FAM200B: variants seen among roughly 807,000 people sequenced by gnomAD.
FAM200B encodes the protein zinc finger BED-type containing 11.
Under a neutral mutation model 33.1 loss-of-function variants are expected in FAM200B, and 32 were observed. The ratio of observed to expected loss-of-function variants is 0.97; its 90% CI spans 0.73 to 1.30. The LOEUF is 1.30. FAM200B is among the 50% of genes most tolerant of loss of function. The pLI, the probability that FAM200B is intolerant of heterozygous loss-of-function variation, is 0.00. For missense variants in FAM200B, 741 were observed against 754.0 expected (o/e 0.98, Z 0.20); for synonymous variants, 240 against 264.8 (o/e 0.91, Z 0.91).
chr4:15,659,229 A>C, the FAM200B span, among the ~76,000 whole-genome samples: 1 of 152,260 alleles, frequency 6.6e-6, no homozygotes, highest in African/African-American at 2.4e-5. Context: ...GTAGGCATAC[A>C]TAGTAGGCAT....
chr4:15,683,858 G>C (rs941299436), intron 1 of FAM200B, among the ~76,000 whole-genome samples: 1 of 152,120 alleles, frequency 6.6e-6, no homozygotes, highest in African/African-American at 2.4e-5. Context: ...TTTACTACAG[G>C]TGTCATTAAT....
At chr4:15,674,653 G>A in the FAM200B span, among the ~76,000 whole-genome samples, 1 of 150,090 alleles carries the variant, frequency 6.7e-6, no homozygotes, top group South Asian at 2.1e-4. Flanking sequence ...GGGATTTTTG[G>A]GTTTTTTTTT....
At chr4:15,655,310 T>G in the FAM200B span, 5 of 1,373,130 alleles carry the variant, frequency 3.6e-6, no homozygotes, top group Admixed American at 1.2e-4. Flanking sequence ...AGCCTCCGCC[T>G]CAGCAGCCGC....
chr4:15,662,035 T>C, the FAM200B span, among the ~76,000 whole-genome samples: 2 of 152,210 alleles, frequency 1.3e-5, no homozygotes, highest in African/African-American at 4.8e-5. Context: ...GAGCAAATGA[T>C]TTCAAACCCA....
At chr4:15,655,371 C>A in the FAM200B span, 1 of 1,113,696 alleles carries the variant, frequency 9.0e-7, no homozygotes, top group Non-Finnish European at 1.1e-6. Context: ...GGCGGCGCGC[C>A]CCCTTGCGCA....
the FAM200B span, among the ~76,000 whole-genome samples, chr4:15,643,149 C>T: frequency 6.6e-6 from 1 of 152,114 alleles, no homozygotes; most frequent in African/African-American, 2.4e-5. Context: ...CTATCTAGTA[C>T]CCTACCCCAA....
At chr4:15,640,671 T>G in the FAM200B span, 1 of 485,498 alleles carries the variant, frequency 2.1e-6, no homozygotes, top group Non-Finnish European at 3.7e-6. Flanking sequence ...AAGAACTGCG[T>G]TCTTCTCTCC....
At chr4:15,654,984 G>A in the FAM200B span, among the ~76,000 whole-genome samples, 63 of 151,814 alleles carry the variant, frequency 4.1e-4, 1 homozygote, top group East Asian at 2.7e-3. Context: ...CGCCCGCCCC[G>A]AGAGCACGTC....
chr4:15,653,195 A>C, the FAM200B span, among the ~76,000 whole-genome samples: 1 of 152,192 alleles, frequency 6.6e-6, no homozygotes, highest in African/African-American at 2.4e-5. Context: ...CTCATTAACT[A>C]TATCTAATTA....
the FAM200B span, among the ~76,000 whole-genome samples, chr4:15,671,103 T>C: frequency 6.6e-6 from 1 of 151,932 alleles, no homozygotes; most frequent in African/African-American, 2.4e-5. Flanking sequence ...TTTGTATTTT[T>C]AGTAGAGATG....
the FAM200B span, among the ~76,000 whole-genome samples, chr4:15,663,103 CAT>C: frequency 1.3e-5 from 2 of 152,150 alleles, no homozygotes; most frequent in Admixed American, 1.3e-4. Flanking sequence ...TACAAGTTTA[CAT>C]ATGTTTATTC....
the FAM200B span, among the ~76,000 whole-genome samples, chr4:15,639,417 T>G: frequency 6.6e-6 from 1 of 152,320 alleles, no homozygotes; most frequent in Admixed American, 6.5e-5. Context: ...AAGTCAGAAC[T>G]CTACTGAGAC....
the FAM200B span, among the ~76,000 whole-genome samples, chr4:15,664,714 C>T: frequency 8.6e-5 from 13 of 151,928 alleles, no homozygotes; most frequent in African/African-American, 2.7e-4. Context: ...CCTGATACCA[C>T]GCCCGGCTAA....
chr4:15,641,009 T>A, the FAM200B span: 1 of 507,228 alleles, frequency 2.0e-6, no homozygotes. Context: ...TGCAAAGTGG[T>A]CTCTGTACTT....
chr4:15,637,079 G>T, the FAM200B span, among the ~76,000 whole-genome samples: 1 of 152,162 alleles, frequency 6.6e-6, no homozygotes, highest in Non-Finnish European at 1.5e-5. Flanking sequence ...CATTTTTAAT[G>T]ACACACACAA....
rs1560266600 is a variant in FAM200B, at chr4:15,688,446, A to G, written c.1469A>G (p.His490Arg). The G allele has an allele frequency of 3.2e-6, 5 of 1,543,916 alleles. No individual in the cohort carries two copies. Among genetic ancestry groups the G allele is most frequent in the Non-Finnish European group, 8.8e-7 (1 of 1,141,614 alleles). ...TACATGTTTCCAAGATTTTTGCAGC[A>G]TATTGAAGAGAATATTATTAATGAA... ...SYYMFPRFLQ[H>R]IEENIINENI... Residue 490 changes from histidine to arginine, a missense_variant, in exon 2 of 2, where the codon CAT becomes CGT. Physicochemically the swap from His to Arg is conservative, Grantham distance 29 (BLOSUM62 0). Transcript: ENST00000422728.
At chr4:15,638,581 A>G in the FAM200B span, 1 of 1,612,418 alleles carries the variant, frequency 6.2e-7, no homozygotes, top group African/African-American at 1.3e-5. Context: ...ATAGGCTAAG[A>G]CCTCTAAGGA....
intron 1 of FAM200B, among the ~76,000 whole-genome samples, chr4:15,685,925 A>T (rs1718799140): frequency 6.6e-6 from 1 of 152,164 alleles, no homozygotes; most frequent in South Asian, 2.1e-4. Flanking sequence ...GGCCAAGCAA[A>T]AAGGAAGTAT....
At chr4:15,657,911 C>G in the FAM200B span, among the ~76,000 whole-genome samples, 1 of 152,126 alleles carries the variant, frequency 6.6e-6, no homozygotes, top group African/African-American at 2.4e-5. Flanking sequence ...GCAGATAATT[C>G]CAACAGACCA....
Sources: gnomAD v4.1 joint callset for allele counts (sites outside exome capture counted in the v4.1 genomes callset) on GRCh38, gnomAD v4.1.1 for gene constraint, MANE v1.5 for transcripts, NCBI Gene and HGNC (gene_info 2026-07-23, HGNC 2026-07-21) for gene names.